TSFM: variants seen among roughly 807,000 people sequenced by gnomAD.
TSFM encodes the protein elongation factor Ts, mitochondrial.
Under a neutral mutation model 33.4 loss-of-function variants are expected in TSFM, and 29 were observed. The observed-to-expected ratio is 0.87, with a 90% CI of 0.65 to 1.18. TSFM has a LOEUF of 1.18. Ranked by LOEUF, TSFM falls within the 50% of genes most tolerant of loss-of-function variation. The pLI is 0.00. For missense variants in TSFM, 394 were observed against 395.6 expected (o/e 1.00, Z 0.04); for synonymous variants, 178 against 163.5 (o/e 1.09, Z -0.68).
At chr12:57,796,049 C>T (rs1049245752) in intron 5 of TSFM, 128 bp from the exon 6 acceptor site, 5 of 801,332 alleles carry the variant, frequency 6.2e-6, no homozygotes, top group Non-Finnish European at 7.7e-6. Context: ...ATCTCTTCAT[C>T]TTACTGCATA....
chr12:57,787,875 C>T (rs781612865), intron 4 of TSFM, among the ~76,000 whole-genome samples: 5 of 151,436 alleles, frequency 3.3e-5, no homozygotes, highest in African/African-American at 9.7e-5. Context: ...TGCAGTGAGC[C>T]GTTGTACTCC....
At chr12:57,801,394 A>G, downstream of TSFM, 1 of 499,480 alleles carries the variant, frequency 2.0e-6, no homozygotes, top group Admixed American at 3.6e-5. Flanking sequence ...GCTTAAACAT[A>G]ACGCACATTC....
At chr12:57,802,514 G>A (rs1178696045), downstream of TSFM, 2 of 840,600 alleles carry the variant, frequency 2.4e-6, no homozygotes, top group African/African-American at 1.7e-5. Context: ...CCCAGAATCA[G>A]CTTGATGTTT....
Position 57,796,519 on chromosome 12 carries a change from T to C in TSFM, c.914T>C (p.Val305Ala). ...GGGCAGTATGTGCAGCCTCAGGGGG[T>C]GTCGGTAGTAGACTTTGTGCGGTTT... ...TLGQYVQPQGVSVVDFVRFEC... is the reference protein window; with the variant it reads ...TLGQYVQPQGASVVDFVRFEC... The change falls in exon 6 of 6, where the codon GTG becomes GCG. Residue 305 changes from valine to alanine, a missense_variant. Physicochemically the swap from Val to Ala is moderately conservative, Grantham distance 64 (BLOSUM62 0). Around this residue, in one of 3 missense-constraint regions of TSFM, gnomAD observed 186 missense variants for 198.8 expected, o/e 0.94. Transcript: ENST00000652027. 1.3e-6 allele frequency: 2 copies of C among 1,519,402 alleles called. No homozygotes were observed. The highest frequency in any genetic ancestry group is 1.8e-6 in the Non-Finnish European group (2 of 1,132,872). 94.1% of individuals were successfully genotyped at this position (1,519,402 alleles called of 1,614,324 possible). A position where few individuals can be genotyped will look rare whatever the true frequency, so the allele number is the denominator to read the frequency against.
At chr12:57,795,886 G>C (rs1320876214) in intron 5 of TSFM, among the ~76,000 whole-genome samples, 2 of 152,140 alleles carry the variant, frequency 1.3e-5, no homozygotes, top group East Asian at 1.9e-4. Context: ...AAAGTGCTGG[G>C]ATTACAGACG....
At chr12:57,788,538 A>G (rs1212211915) in intron 4 of TSFM, among the ~76,000 whole-genome samples, 2 of 152,092 alleles carry the variant, frequency 1.3e-5, no homozygotes, top group Non-Finnish European at 2.9e-5. Flanking sequence ...CCGCCTCCCA[A>G]AGTGCTGGGA....
intron 5 of TSFM, among the ~76,000 whole-genome samples, chr12:57,794,721 A>G (rs992945844): frequency 6.6e-6 from 1 of 152,188 alleles, no homozygotes; most frequent in Non-Finnish European, 1.5e-5. Context: ...AGTAGCTAGC[A>G]TTTGAGTGCT....
At chr12:57,802,132 T>C (rs904433192), downstream of TSFM, 2 of 1,610,300 alleles carry the variant, frequency 1.2e-6, no homozygotes, top group Admixed American at 1.7e-5. Context: ...TGGCAGGAAG[T>C]TAGAGCTTCC....
At position 57,792,845 on chromosome 12, in the gene TSFM, G is replaced by T. The variant is rs1955681703; in HGVS notation, c.484-141G>T. 4.4e-6 allele frequency: 3 copies of T among 686,342 alleles called. No homozygotes were observed. In the South Asian group the frequency reaches 5.6e-5, roughly 13 times the overall value. The allele number at this position is 686,342 out of a possible 1,614,324, so 42.5% of individuals were successfully genotyped here. On this transcript the variant is annotated intron_variant, in intron 4 of 5. Transcript: ENST00000652027. ...GACCTCAGGTGATCCACCCACCTTG[G>T]CTTCCCAAAGTGTTGGGATTACAGG...
At chr12:57,800,092 T>C (rs1390039234), downstream of TSFM, 6 of 872,214 alleles carry the variant, frequency 6.9e-6, no homozygotes, top group Non-Finnish European at 1.7e-6. Context: ...CATCTGGGAA[T>C]AGAAAATATT....
chr12:57,783,047 T>G, intron 1 of TSFM, 63 bp from the exon 2 acceptor site: 1 of 1,560,900 alleles, frequency 6.4e-7, no homozygotes, highest in Non-Finnish European at 8.6e-7. Flanking sequence ...TCCCTGCCCG[T>G]GTACCCTTCA....
downstream of TSFM, among the ~76,000 whole-genome samples, chr12:57,799,224 A>T (rs976599194): frequency 6.6e-6 from 1 of 152,202 alleles, no homozygotes. Context: ...TGGGAGAAGG[A>T]TGTTTTTTCA....
At chr12:57,799,993 A>G (rs2140435671), downstream of TSFM, 3 of 1,563,944 alleles carry the variant, frequency 1.9e-6, no homozygotes, top group Non-Finnish European at 1.7e-6. Context: ...CTGAATGTGT[A>G]TAATATTTAA....
intron 5 of TSFM, among the ~76,000 whole-genome samples, chr12:57,794,190 T>TG: frequency 6.6e-6 from 1 of 152,234 alleles, no homozygotes; most frequent in South Asian, 2.1e-4. Context: ...CTGGAAGAGC[T>TG]GGGTGTTTCA....
intron 2 of TSFM, among the ~76,000 whole-genome samples, chr12:57,785,072 G>A (rs1002977131): frequency 3.0e-4 from 46 of 151,026 alleles, no homozygotes; most frequent in Non-Finnish European, 5.3e-4. Context: ...GACTACAGGC[G>A]CCCGCCACCA....
chr12:57,797,872 CCTT>C (rs1192000582), downstream of TSFM: 2 of 1,604,550 alleles, frequency 1.2e-6, no homozygotes, highest in Non-Finnish European at 1.7e-6. Flanking sequence ...TAGGTATAGG[CCTT>C]CTTGCTTTAG....
chr12:57,791,362 A>G (rs927712460), intron 4 of TSFM, among the ~76,000 whole-genome samples: 6 of 152,162 alleles, frequency 3.9e-5, no homozygotes, highest in African/African-American at 1.4e-4. Context: ...GAAAGTCCTC[A>G]AAGTTAAAAC....
rs1565823836 is a variant in TSFM, at chr12:57,793,047, T to G, written c.545T>G (p.Leu182Arg). ...GCTGGGCCTGACAGAGAAGGCTCAC[T>G]CAAGGATCAGTTGGCTTTAGCAATT... ...LPAGPDREGS[L>R]KDQLALAIGK... Residue 182 changes from leucine (L) to arginine (R), a missense_variant, in exon 5 of 6, where the codon CTC becomes CGC. Leu to Arg is a moderately radical substitution (Grantham distance 102, BLOSUM62 -2). This residue lies in a region of TSFM where 186 missense variants were observed against 198.8 expected (regional missense o/e 0.94). Transcript: ENST00000652027. 6.2e-7 allele frequency: 1 copy of G among 1,613,668 alleles called. No individual in the cohort carries two copies. Among genetic ancestry groups the G allele is most frequent in the Middle Eastern group, 1.6e-4 (1 of 6,062 alleles).
At chr12:57,801,759 G>A (rs1955853420), downstream of TSFM, among the ~76,000 whole-genome samples, 1 of 151,772 alleles carries the variant, frequency 6.6e-6, no homozygotes, top group South Asian at 2.1e-4. Flanking sequence ...AAAAAAAAAA[G>A]TTGATTAGGA....
Sources: gnomAD v4.1 joint callset for allele counts (sites outside exome capture counted in the v4.1 genomes callset) on GRCh38, gnomAD v4.1.1 for gene constraint, gnomAD v4.1.1 regional missense constraint, MANE v1.5 for transcripts, NCBI Gene and HGNC (gene_info 2026-07-23, HGNC 2026-07-21) for gene names.